RERE: variants seen among roughly 807,000 people sequenced by gnomAD.
RERE encodes arginine-glutamic acid dipeptide repeats.
Under a neutral mutation model 146.1 loss-of-function variants are expected in RERE, and 40 were observed. The ratio of observed to expected loss-of-function variants is 0.27; its 90% CI spans 0.21 to 0.36. RERE has a LOEUF of 0.36. RERE is among the 10% of genes least tolerant of loss of function. The pLI, the probability that RERE is intolerant of heterozygous loss-of-function variation, is 1.00. For synonymous variants in RERE, 1,003 were observed against 866.0 expected, an observed-to-expected ratio of 1.16 and a Z score of -2.78; for missense variants, 1,933 against 2,138.7, an observed-to-expected ratio of 0.90 and a Z score of 1.90.
At chr1:8,777,666 C>T (rs1641090023) in intron 1 of RERE, among the ~76,000 whole-genome samples, 1 of 151,456 alleles carries the variant, frequency 6.6e-6, no homozygotes, top group African/African-American at 2.4e-5. Flanking sequence ...TCCTGAGTAG[C>T]TGGGACTACA....
intron 4 of RERE, among the ~76,000 whole-genome samples, chr1:8,614,036 C>T (rs1646821951): frequency 6.6e-6 from 1 of 152,138 alleles, no homozygotes; most frequent in African/African-American, 2.4e-5. Context: ...CAAGGGATAG[C>T]CGTTAAGAAG....
At chr1:8,734,689 C>T (rs993051406) in intron 1 of RERE, among the ~76,000 whole-genome samples, 21 of 152,198 alleles carry the variant, frequency 1.4e-4, no homozygotes, top group African/African-American at 4.8e-4. Context: ...TAAAAGAGGA[C>T]GTTGCCTAAG....
chr1:8,644,266 C>T (rs888126201), intron 2 of RERE, among the ~76,000 whole-genome samples: 2 of 152,150 alleles, frequency 1.3e-5, no homozygotes, highest in East Asian at 3.8e-4. Context: ...TATATTTACT[C>T]TTTTGGAACT....
intron 1 of RERE, among the ~76,000 whole-genome samples, chr1:8,783,674 G>C (rs1641207607): frequency 6.6e-6 from 1 of 152,120 alleles, no homozygotes; most frequent in South Asian, 2.1e-4. Flanking sequence ...AAAAAGAAGA[G>C]AAAATGCAAA....
intron 1 of RERE, among the ~76,000 whole-genome samples, chr1:8,803,732 G>GTT (rs542392123): frequency 4.2e-5 from 6 of 141,786 alleles, no homozygotes; most frequent in African/African-American, 7.7e-5. Flanking sequence ...CTGGTTTTTT[G>GTT]TTTTTTTTTT....
chr1:8,704,427 C>T (rs1281445835), intron 1 of RERE, among the ~76,000 whole-genome samples: 1 of 152,208 alleles, frequency 6.6e-6, no homozygotes, highest in Non-Finnish European at 1.5e-5. Context: ...CTTCTGGTAT[C>T]TTCACTATTA....
intron 6 of RERE, among the ~76,000 whole-genome samples, chr1:8,553,521 A>C (rs191459794): frequency 6.6e-6 from 1 of 152,288 alleles, no homozygotes; most frequent in African/African-American, 2.4e-5. Flanking sequence ...CAGTGACCAA[A>C]CAACCACCTG....
At chr1:8,685,317 T>A (rs1435600114) in intron 1 of RERE, among the ~76,000 whole-genome samples, 4 of 152,226 alleles carry the variant, frequency 2.6e-5, no homozygotes, top group African/African-American at 4.8e-5. Flanking sequence ...TTTAAAGTCA[T>A]CCAAGTTTCA....
chr1:8,449,509 G>C (rs942627824), intron 11 of RERE, among the ~76,000 whole-genome samples: 2 of 152,134 alleles, frequency 1.3e-5, no homozygotes, highest in African/African-American at 2.4e-5. Context: ...AAAATGTCAT[G>C]AAAAAACTTC....
At chr1:8,363,979 C>T (rs9628991) in intron 15 of RERE, 77 bp downstream of exon 15, 17 of 1,367,678 alleles carry the variant, frequency 1.2e-5, no homozygotes, top group Non-Finnish European at 1.6e-5. Flanking sequence ...GCTTCCTCCC[C>T]CTGGGAGGCT....
At chr1:8,509,470 A>C (rs898054278) in intron 7 of RERE, among the ~76,000 whole-genome samples, 2 of 152,100 alleles carry the variant, frequency 1.3e-5, no homozygotes, top group Admixed American at 6.5e-5. Context: ...CAAATATTTA[A>C]GTACCTACTA....
intron 4 of RERE, among the ~76,000 whole-genome samples, chr1:8,588,222 A>G (rs561001586): frequency 6.6e-6 from 1 of 152,388 alleles, no homozygotes; most frequent in South Asian, 2.1e-4. Flanking sequence ...TTTAATAAAA[A>G]CATTTCAAAA....
At chr1:8,464,429 G>T (rs1644568449) in intron 11 of RERE, among the ~76,000 whole-genome samples, 1 of 152,110 alleles carries the variant, frequency 6.6e-6, no homozygotes. Context: ...GTCCCAGCCT[G>T]GTGTGCAGCA....
intron 4 of RERE, among the ~76,000 whole-genome samples, chr1:8,563,251 C>G (rs1264982233): frequency 6.6e-6 from 1 of 152,146 alleles, no homozygotes; most frequent in Non-Finnish European, 1.5e-5. Flanking sequence ...GTCTTAATAT[C>G]AGCCTCAGGG....
chr1:8,700,644 G>C (rs1639427171), intron 1 of RERE, among the ~76,000 whole-genome samples: 1 of 152,166 alleles, frequency 6.6e-6, no homozygotes, highest in Non-Finnish European at 1.5e-5. Context: ...CGAGAGGTAA[G>C]AGACAAGGGG....
intron 10 of RERE, among the ~76,000 whole-genome samples, chr1:8,494,358 A>G (rs902317550): frequency 9.2e-5 from 14 of 152,182 alleles, no homozygotes; most frequent in African/African-American, 2.4e-4. Context: ...CTAGATTCCA[A>G]TCTTGGGGGT....
At chr1:8,498,152 A>G (rs1469489087) in intron 8 of RERE, among the ~76,000 whole-genome samples, 1 of 150,152 alleles carries the variant, frequency 6.7e-6, no homozygotes, top group Non-Finnish European at 1.5e-5. Context: ...CAAGGTCAGG[A>G]GTTCAAGACC....
intron 12 of RERE, among the ~76,000 whole-genome samples, chr1:8,414,961 T>C (rs1041476113): frequency 2.0e-5 from 3 of 152,220 alleles, no homozygotes; most frequent in African/African-American, 7.2e-5. Flanking sequence ...TATTAATTTT[T>C]ACTCTATTTT....
At chr1:8,508,738 T>G (rs1645290103) in intron 7 of RERE, 63 bp from the exon 8 acceptor site, 1 of 1,336,186 alleles carries the variant, frequency 7.5e-7, no homozygotes, top group Middle Eastern at 1.8e-4. Flanking sequence ...CATTCACACA[T>G]TTTTCAAAAA....
Sources: gnomAD v4.1 joint callset for allele counts (sites outside exome capture counted in the v4.1 genomes callset) on GRCh38, gnomAD v4.1.1 for gene constraint, MANE v1.5 for transcripts, NCBI Gene and HGNC (gene_info 2026-07-23, HGNC 2026-07-21) for gene names.